CLASP1: variants seen among roughly 807,000 people sequenced by gnomAD.
CLASP1 encodes the protein cytoplasmic linker associated protein 1.
CLASP1 carries 38 observed loss-of-function variants against 192.3 expected under a neutral mutation model. The ratio of observed to expected loss-of-function variants is 0.20; its 90% CI spans 0.15 to 0.26. The LOEUF (loss-of-function observed/expected upper bound fraction) is 0.26, where lower values mean the gene tolerates loss of function less well. Among genes scored for constraint, CLASP1 ranks in the 10% least tolerant of loss-of-function variants. The probability of loss-of-function intolerance (pLI) is 1.00; values close to 1 mark genes in which losing one functional copy is unlikely to be tolerated. For missense variants in CLASP1, 1,433 were observed against 1,932.5 expected, an observed-to-expected ratio of 0.74 and a Z score of 4.85; for synonymous variants, 691 against 712.8, an observed-to-expected ratio of 0.97 and a Z score of 0.49.
chr2:121,472,163 T>C (rs1479303807), intron 8 of CLASP1, among the ~76,000 whole-genome samples: 2 of 152,210 alleles, frequency 1.3e-5, no homozygotes, highest in African/African-American at 2.4e-5. Context: ...CACAAATTCA[T>C]GTAAATTATG....
chr2:121,537,353 C>T (rs2095115344), intron 2 of CLASP1, among the ~76,000 whole-genome samples: 1 of 151,688 alleles, frequency 6.6e-6, no homozygotes, highest in South Asian at 2.1e-4. Flanking sequence ...GATCTTGTCA[C>T]TGCACTCCAG....
At chr2:121,460,055 A>G (rs748653125) in exon 12 of CLASP1, 2 of 1,613,704 alleles carry the variant, frequency 1.2e-6, no homozygotes, top group Non-Finnish European at 8.5e-7. Context: ...TCCATCCAAA[A>G]GACGCAAATG....
rs760862642 is a variant in CLASP1 at position 121,387,910 on chromosome 2, G to A, written c.3124-4C>T. Reference sequence around the variant, plus strand: ...AGATTAGCACAATCTGTGCTGCCTAGAAAAAGGAACCATGATTAATTTATG... The same window carrying A: ...AGATTAGCACAATCTGTGCTGCCTAAAAAAAGGAACCATGATTAATTTATG... On this transcript the variant is annotated splice_polypyrimidine_tract_variant and splice_region_variant and intron_variant, in intron 30 of 39. Coordinates refer to ENST00000263710, the Ensembl canonical transcript of CLASP1. 3.7e-6 allele frequency: 6 copies of A among 1,601,466 alleles called. No homozygotes were observed. The highest frequency in any genetic ancestry group is 4.3e-6 in the Non-Finnish European group (5 of 1,170,232).
chr2:121,437,229 C>T (rs1409824286), intron 19 of CLASP1, among the ~76,000 whole-genome samples: 3 of 152,144 alleles, frequency 2.0e-5, no homozygotes, highest in African/African-American at 7.2e-5. Context: ...TCCAAAATTC[C>T]TAAGATTACA....
chr2:121,368,939 T>C (rs1015904305), intron 34 of CLASP1, among the ~76,000 whole-genome samples: 1 of 152,268 alleles, frequency 6.6e-6, no homozygotes, highest in East Asian at 1.9e-4. Context: ...CCCAAAACTT[T>C]CTCATCATTC....
intron 8 of CLASP1, chr2:121,470,739 T>C (rs925471997): frequency 8.1e-5 from 33 of 406,974 alleles, no homozygotes; most frequent in African/African-American, 3.8e-4. Context: ...AAGTTCTTGA[T>C]GTATAGTGCC....
At position 121,470,392 on chromosome 2, in the gene CLASP1, C is replaced by A. The variant is rs1490274790; in HGVS notation, c.713-432G>T. 8 of 445,202 alleles carry A rather than the reference C, an allele frequency of 1.8e-5. No homozygotes were observed. The Admixed American group carries it at 2.1e-4, about 12-fold the overall frequency. 27.6% of individuals were successfully genotyped at this position (445,202 alleles called of 1,614,324 possible). Reference sequence around the variant, plus strand: ...AAGGTGCTAGGATGACAGGCATGAGCCACTGTACTTGGTCACCTGGTACAC... The same window carrying A: ...AAGGTGCTAGGATGACAGGCATGAGACACTGTACTTGGTCACCTGGTACAC... On this transcript the variant is annotated intron_variant, in intron 8 of 39. Coordinates refer to ENST00000263710, the Ensembl canonical transcript of CLASP1.
At chr2:121,593,227 C>T (rs2062637435) in intron 2 of CLASP1, among the ~76,000 whole-genome samples, 1 of 152,080 alleles carries the variant, frequency 6.6e-6, no homozygotes, top group South Asian at 2.1e-4. Context: ...CATCAAACAA[C>T]GTCAAATTGA....
intron 2 of CLASP1, among the ~76,000 whole-genome samples, chr2:121,589,367 C>T (rs1311415596): frequency 6.6e-6 from 1 of 152,202 alleles, no homozygotes; most frequent in Non-Finnish European, 1.5e-5. Flanking sequence ...CGGTGGCTCA[C>T]GCCTGTTATC....
intron 33 of CLASP1, 35 bp downstream of exon 34, chr2:121,382,173 G>C: frequency 6.7e-7 from 1 of 1,500,852 alleles, no homozygotes; most frequent in East Asian, 2.3e-5. Context: ...ATAATATTGT[G>C]ACACCTCAGA....
At position 121,463,823 on chromosome 2, in the gene CLASP1, T is replaced by C. The variant is rs534910289; in HGVS notation, c.866-1218A>G. ...CGCGAGATGGGAAGGAAAGCACCAG[T>C]CTAGTAATTTTCTATTTTATTTTAT... On this transcript the variant is annotated intron_variant, in intron 9 of 39. Coordinates refer to ENST00000263710, the Ensembl canonical transcript of CLASP1. Among the ~76,000 whole-genome samples, 31 of 152,190 alleles carry C rather than the reference T, an allele frequency of 2.0e-4. No homozygotes were observed. The East Asian group carries it at 5.8e-3, about 28-fold the overall frequency.
rs75215917 is a variant in CLASP1, at chr2:121,614,881, A to T, written c.-285-8701T>A. ...CAAACACGAGATGTATAACTAGTAG[A>T]TTTAACAAGTAAAATACTGCACCTG... On this transcript the variant is annotated intron_variant, in intron 1 of 39. Coordinates refer to ENST00000263710, the Ensembl canonical transcript of CLASP1. Among the ~76,000 whole-genome samples the T allele has an allele frequency of 5.9e-5, 9 of 152,364 alleles. No homozygotes were observed. In the East Asian group the frequency reaches 1.5e-3, roughly 26 times the overall value.
intron 2 of CLASP1, chr2:121,603,233 T>C (rs1331660025): frequency 1.3e-5 from 2 of 151,552 alleles, no homozygotes; most frequent in Non-Finnish European, 2.9e-5. Flanking sequence ...ATTATATATA[T>C]ATACATATCC....
chr2:121,456,504 A>C (rs2086695136), intron 14 of CLASP1, among the ~76,000 whole-genome samples: 1 of 151,476 alleles, frequency 6.6e-6, no homozygotes, highest in Admixed American at 6.6e-5. Context: ...AAAGGCAAGA[A>C]AGGAAGGAAG....
chr2:121,435,335 C>T (rs969259393), intron 19 of CLASP1, among the ~76,000 whole-genome samples: 20 of 152,192 alleles, frequency 1.3e-4, no homozygotes, highest in African/African-American at 4.6e-4. Flanking sequence ...AGTTCAATGG[C>T]GCAATCTGGG....
intron 22 of CLASP1, among the ~76,000 whole-genome samples, chr2:121,422,514 A>C (rs921196882): frequency 1.3e-5 from 2 of 152,216 alleles, no homozygotes; most frequent in Non-Finnish European, 2.9e-5. Context: ...CTAGTGATTT[A>C]TGTGACTTTA....
chr2:121,622,206 A>G (rs1388992943), intron 1 of CLASP1, among the ~76,000 whole-genome samples: 3 of 152,136 alleles, frequency 2.0e-5, no homozygotes, highest in African/African-American at 7.2e-5. Context: ...AACAATATTA[A>G]GTCTTCCAAT....
intron 30 of CLASP1, among the ~76,000 whole-genome samples, chr2:121,391,448 T>C (rs1361092933): frequency 2.6e-5 from 4 of 152,206 alleles, no homozygotes; most frequent in African/African-American, 9.6e-5. Context: ...GCTTCTTAGA[T>C]AAAATCAGCA....
intron 6 of CLASP1, among the ~76,000 whole-genome samples, chr2:121,523,471 GCTTTAGGGAA>G (rs2094502592): frequency 6.6e-6 from 1 of 152,182 alleles, no homozygotes; most frequent in African/African-American, 2.4e-5. Context: ...TTCTACCAAA[GCTTTAGGGAA>G]CTTTTAAGTG....
Sources: allele counts gnomAD v4.1 joint callset (sites outside exome capture counted in the v4.1 genomes callset), GRCh38; gene constraint gnomAD v4.1.1; transcripts MANE v1.5; gene names NCBI Gene and HGNC (gene_info 2026-07-23, HGNC 2026-07-21).